NLRC3: variants seen among roughly 807,000 people sequenced by gnomAD.
The protein encoded by NLRC3 is NLR family CARD domain containing 3.
NLRC3 carries 87 observed loss-of-function variants against 91.6 expected under a neutral mutation model. That is an observed-to-expected ratio of 0.95 (90% CI 0.80 to 1.14). The LOEUF is 1.14. Among genes scored for constraint, NLRC3 ranks in the 50% most tolerant of loss-of-function variants. The probability of loss-of-function intolerance (pLI) is 0.00; values close to 1 mark genes in which losing one functional copy is unlikely to be tolerated. For missense variants in NLRC3, 1,577 were observed against 1,418.6 expected (o/e 1.11, Z -1.79); for synonymous variants, 694 against 625.3 (o/e 1.11, Z -1.64).
At chr16:3,556,829 C>A (rs2039359436) in intron 8 of NLRC3, 82 bp downstream of exon 8, 1 of 909,362 alleles carries the variant, frequency 1.1e-6, no homozygotes, top group Non-Finnish European at 1.8e-6. Flanking sequence ...GAATCACCTC[C>A]CATTCTCATA....
intron 12 of NLRC3, 109 bp downstream of exon 12, chr16:3,549,588 G>A: frequency 1.2e-6 from 1 of 863,652 alleles, no homozygotes; most frequent in Non-Finnish European, 1.9e-6. Context: ...TGCCAGGAAG[G>A]CTTCCCCAGC....
chr16:3,561,637 T>A, intron 6 of NLRC3, 65 bp downstream of exon 6: 1 of 1,111,648 alleles, frequency 9.0e-7, no homozygotes, highest in Non-Finnish European at 1.4e-6. Flanking sequence ...CAGAGGATGA[T>A]GGGAAGAGGG....
In NLRC3 at chr16:3,543,486, C is replaced by T. The variant is rs769940362; in HGVS notation, c.2878G>A (p.Ala960Thr). The change falls in exon 17 of 20, where the codon GCT becomes ACT. Residue 960 changes from alanine (A) to threonine (T), a missense_variant. Ala to Thr is a moderately conservative substitution (Grantham distance 58). Coordinates refer to ENST00000359128, the MANE Select transcript of NLRC3 (RefSeq NM_178844.4). Reference protein sequence around the residue: ...ALYLQVASIGASGAQVLGEAL... With the variant: ...ALYLQVASIGTSGAQVLGEAL... Reference sequence around the variant, plus strand: ...TCCCCTAGCACCTGGGCGCCTGAAGCACCAATTGAGGCCACCTGGAGACTG... The same window carrying T: ...TCCCCTAGCACCTGGGCGCCTGAAGTACCAATTGAGGCCACCTGGAGACTG... 1.9e-6 allele frequency: 3 copies of T among 1,613,152 alleles called. No individual in the cohort carries two copies. Among genetic ancestry groups the T allele is most frequent in the Admixed American group, 1.7e-5 (1 of 59,944 alleles).
chr16:3,562,943 G>T, intron 5 of NLRC3, 66 bp downstream of exon 5: 1 of 1,379,794 alleles, frequency 7.2e-7, no homozygotes, highest in Non-Finnish European at 1.0e-6. Flanking sequence ...TGGTGGTGGG[G>T]AGGGGACGGC....
chr16:3,547,404 G>T (rs968116681), intron 15 of NLRC3, among the ~76,000 whole-genome samples: 3 of 151,674 alleles, frequency 2.0e-5, no homozygotes, highest in African/African-American at 7.3e-5. Context: ...TGGTTGCCAG[G>T]GTTGGGGGAA....
At chr16:3,556,590 T>C (rs1281032255) in intron 8 of NLRC3, among the ~76,000 whole-genome samples, 1 of 152,058 alleles carries the variant, frequency 6.6e-6, no homozygotes, top group Non-Finnish European at 1.5e-5. Context: ...CTGCAACCTC[T>C]GCTTCCCAGA....
At chr16:3,554,353 T>A in intron 8 of NLRC3, 28 bp from the exon 9 acceptor site, 1 of 1,563,454 alleles carries the variant, frequency 6.4e-7, no homozygotes, top group Non-Finnish European at 8.8e-7. Context: ...GGCTCATCAC[T>A]GATGGAGCAG....
At chr16:3,575,457 C>A (rs2040252228) in intron 1 of NLRC3, among the ~76,000 whole-genome samples, 1 of 152,200 alleles carries the variant, frequency 6.6e-6, no homozygotes, top group Non-Finnish European at 1.5e-5. Flanking sequence ...ACTCGGGTTG[C>A]TTTGGGGGAT....
At position 3,550,464 on chromosome 16, in the gene NLRC3, G is replaced by C. The variant is rs1461188188; in HGVS notation, c.2385C>G (p.Ala795=). 2.5e-6 allele frequency: 4 copies of C among 1,613,510 alleles called. No individual in the cohort carries two copies. In the Admixed American group the frequency reaches 6.7e-5, roughly 27 times the overall value. The stretch of plus-strand genomic sequence containing the variant: ...CCTTCAGGGCCTCAGCCAGGGCCTT[G>C]GCACCTCCATCACCAATACTATTAC... The part of the protein sequence containing the change: ...FSSNSIGDGG[A]KALAEALKVN... Residue 795 remains alanine, a synonymous_variant, in exon 11 of 20, where the codon GCC becomes GCG. Coordinates refer to ENST00000359128, the MANE Select transcript of NLRC3 (RefSeq NM_178844.4).
At chr16:3,560,582 G>A (rs1455808621) in intron 6 of NLRC3, among the ~76,000 whole-genome samples, 1 of 152,202 alleles carries the variant, frequency 6.6e-6, no homozygotes, top group Admixed American at 6.5e-5. Context: ...TCCAGGAGAC[G>A]TTTCATAAGC....
At chr16:3,548,314 T>C in intron 14 of NLRC3, 96 bp from the exon 15 acceptor site, 1 of 945,006 alleles carries the variant, frequency 1.1e-6, no homozygotes, top group Non-Finnish European at 1.6e-6. Context: ...GTGGAATCCC[T>C]GCAGGATGTG....
At position 3,541,855 on chromosome 16, in the gene NLRC3, T is replaced by C. The variant is rs1256735349; in HGVS notation, c.3168A>G (p.Thr1056=). Residue 1056 remains threonine, a synonymous_variant, in exon 20 of 20, where the codon ACA becomes ACG. Coordinates refer to ENST00000359128, the MANE Select transcript of NLRC3 (RefSeq NM_178844.4). ...GARMISEAIK[T]NAPTCTVEM ...TTTCAACAGTGCACGTGGGAGCATT[T>C]GTCTTGATGGCCTCTGAGATCATCC... The C allele has an allele frequency of 6.2e-7, 1 of 1,612,706 alleles. No homozygotes were observed. The highest frequency in any genetic ancestry group is 8.5e-7 in the Non-Finnish European group (1 of 1,179,112).
At position 3,564,935 on chromosome 16, in the gene NLRC3, C is replaced by A. The variant is rs767890751; in HGVS notation, c.102G>T (p.Gly34=). 6.2e-7 allele frequency: 1 copy of A among 1,610,662 alleles called. No individual in the cohort carries two copies. Among genetic ancestry groups the A allele is most frequent in the South Asian group, 1.1e-5 (1 of 90,976 alleles). ...GGGCCTGGGAGCCTTGACTGCCCTT[C>A]CCAGCCAGCAGATCCATGAGGGCTT... ...QVKALMDLLA[G]KGSQGSQAPQ... Residue 34 remains glycine, a synonymous_variant, in exon 4 of 20, where the codon GGG becomes GGT. Coordinates refer to ENST00000359128, the MANE Select transcript of NLRC3 (RefSeq NM_178844.4). This position sits in a 1 kb window ranked among gnomAD's most constrained non-coding sequence, Gnocchi z 5.9.
At chr16:3,548,831 G>A in intron 13 of NLRC3, 78 bp from the exon 14 acceptor site, 2 of 1,017,224 alleles carry the variant, frequency 2.0e-6, no homozygotes, top group Non-Finnish European at 2.9e-6. Context: ...AGGGATTCCA[G>A]GGCTTGATAC....
At chr16:3,549,405 A>G (rs1249925758) in intron 12 of NLRC3, among the ~76,000 whole-genome samples, 180 bp from the exon 13 acceptor site, 2 of 152,138 alleles carry the variant, frequency 1.3e-5, no homozygotes, top group African/African-American at 4.8e-5. Flanking sequence ...TGGGCCAGCC[A>G]GGTGCCCCCA....
rs751255172 is a variant in NLRC3 at position 3,565,013 on chromosome 16, C to T, written c.24G>A (p.Thr8=). 26 of 1,609,976 alleles carry T rather than the reference C, an allele frequency of 1.6e-5. No homozygotes were observed. The highest frequency in any genetic ancestry group is 1.3e-4 in the East Asian group (6 of 44,872). MRKQEVR[T]GREAGQGHGT... is the part of the protein sequence containing the mutation. ...CGTGGCCCTGGCCGGCCTCCCTGCC[C>T]GTCCGCACCTCTTGCTTCCTCATGG... Residue 8 remains threonine (T), a synonymous_variant, in exon 4 of 20, where the codon ACG becomes ACA. Transcript: ENST00000359128.
rs2039676413 is a variant in NLRC3, at chr16:3,562,989, C to T, written c.1928+20G>A. The T allele has an allele frequency of 3.2e-6, 5 of 1,545,678 alleles. No individual in the cohort carries two copies. Among genetic ancestry groups the T allele is most frequent in the Non-Finnish European group, 3.5e-6 (4 of 1,145,272 alleles). ...TCCTCTGCCCCTTCCCCAGCCCCTG[C>T]CCCCTGCCCTGGTATCCACCTGAGC... On this transcript the variant is annotated intron_variant, in intron 5 of 19. Coordinates refer to ENST00000359128, the MANE Select transcript of NLRC3 (RefSeq NM_178844.4).
intron 17 of NLRC3, 150 bp from the exon 18 acceptor site, chr16:3,542,925 CAACAGGGCAGAG>C: frequency 1.6e-6 from 1 of 608,558 alleles, no homozygotes; most frequent in South Asian, 2.0e-5. Context: ...CACTCCAGGG[CAACAGGGCAGAG>C]CTGGCTCTGG....
chr16:3,569,896 T>G (rs2040038833), intron 1 of NLRC3, among the ~76,000 whole-genome samples: 1 of 152,236 alleles, frequency 6.6e-6, no homozygotes, highest in African/African-American at 2.4e-5. Flanking sequence ...TATTTTGTTC[T>G]ATTACCATTC....
Sources: gnomAD v4.1 joint callset for allele counts (sites outside exome capture counted in the v4.1 genomes callset) on GRCh38, gnomAD v4.1.1 for gene constraint, Gnocchi (gnomAD v3.1) non-coding constraint, MANE v1.5 for transcripts, NCBI Gene and HGNC (gene_info 2026-07-23, HGNC 2026-07-21) for gene names.